Variants in GPR21 observed in about 807,000 individuals in gnomAD.
The protein encoded by GPR21 is G protein-coupled receptor 21, also known as probable G protein-coupled receptor 21.
GPR21 carries 9 observed loss-of-function variants against 21.5 expected under a neutral mutation model. The observed-to-expected ratio is 0.42, with a 90% CI of 0.25 to 0.73. The LOEUF (loss-of-function observed/expected upper bound fraction) is 0.73, where lower values mean the gene tolerates loss of function less well. Ranked by LOEUF, GPR21 falls within the 30% of genes least tolerant of loss-of-function variation. GPR21 has a pLI of 0.27. For synonymous variants in GPR21, 169 were observed against 159.3 expected, an observed-to-expected ratio of 1.06 and a Z score of -0.46; for missense variants, 416 against 428.9, an observed-to-expected ratio of 0.97 and a Z score of 0.27.
In GPR21 at chr9:123,035,444, C is replaced by T. The variant is rs1588307992; in HGVS notation, c.878C>T (p.Ala293Val). 6.2e-7 allele frequency: 1 copy of T among 1,614,164 alleles called. No individual in the cohort carries two copies. The highest frequency in any genetic ancestry group is 8.5e-7 in the Non-Finnish European group (1 of 1,180,022). Residue 293 changes from alanine to valine, a missense_variant, in exon 2 of 2, where the codon GCT (alanine) becomes GTT (valine). Coordinates refer to ENST00000616002, the MANE Select transcript of GPR21 (RefSeq NM_005294.3). ...GCATCCTTCTTGACCACCTGGCTTG[C>T]TATTAGTAACAGTTTCTGCAACTGT... ...RFASFLTTWLAISNSFCNCVI... is the reference protein window; with the variant it reads ...RFASFLTTWLVISNSFCNCVI...
downstream of GPR21, among the ~76,000 whole-genome samples, chr9:123,038,828 G>A (rs1028431877): frequency 6.6e-6 from 1 of 151,736 alleles, no homozygotes; most frequent in Non-Finnish European, 1.5e-5. Context: ...CGAGTCATTT[G>A]GCCTTTCTTC....
At chr9:123,044,381 T>C in the GPR21 span, among the ~76,000 whole-genome samples, 5 of 152,210 alleles carry the variant, frequency 3.3e-5, no homozygotes, top group Non-Finnish European at 5.9e-5. Flanking sequence ...CTATTAATTG[T>C]CTCATTTAAT....
At chr9:123,045,523 G>A in the GPR21 span, among the ~76,000 whole-genome samples, 5 of 152,130 alleles carry the variant, frequency 3.3e-5, no homozygotes, top group Non-Finnish European at 7.4e-5. Flanking sequence ...GTAGCCTATA[G>A]AACACTGGAA....
At chr9:123,045,111 T>C in the GPR21 span, among the ~76,000 whole-genome samples, 2 of 152,224 alleles carry the variant, frequency 1.3e-5, no homozygotes, top group Non-Finnish European at 2.9e-5. Context: ...AATATAAAAG[T>C]AATCATATTT....
rs1326016280 is a variant in GPR21, at chr9:123,034,894, T to A, written c.328T>A (p.Ser110Thr). The A allele has an allele frequency of 4.3e-6, 7 of 1,613,604 alleles. No homozygotes were observed. The highest frequency in any genetic ancestry group is 1.7e-5 in the Admixed American group (1 of 59,990). ...LTCQIFGFVVSVLKSVSMASL... is the reference protein window; with the variant it reads ...LTCQIFGFVVTVLKSVSMASL... ...TTGCCAGATATTTGGTTTTGTAGTA[T>A]CAGTTCTGAAGAGCGTCTCCATGGC... The change falls in exon 2 of 2, where the codon TCA becomes ACA. Residue 110 changes from serine to threonine, a missense_variant. Ser to Thr is a moderately conservative substitution (Grantham distance 58). Coordinates refer to ENST00000616002, the MANE Select transcript of GPR21 (RefSeq NM_005294.3).
chr9:123,041,402 A>G, the GPR21 span, among the ~76,000 whole-genome samples: 2 of 152,200 alleles, frequency 1.3e-5, no homozygotes, highest in East Asian at 1.9e-4. Context: ...GTGAGGAAAC[A>G]TAGGCTTAGA....
chr9:123,034,893 A>G lies in GPR21; in HGVS notation c.327A>G (p.Val109=), dbSNP rs1207405449. 1.4e-5 allele frequency: 22 copies of G among 1,613,704 alleles called. No homozygotes were observed. The highest frequency in any genetic ancestry group is 1.9e-5 in the Non-Finnish European group (22 of 1,179,626). ...SLTCQIFGFV[V]SVLKSVSMAS... ...CTTGCCAGATATTTGGTTTTGTAGT[A>G]TCAGTTCTGAAGAGCGTCTCCATGG... The change falls in exon 2 of 2, where the codon GTA becomes GTG. Residue 109 remains valine, a synonymous_variant. Coordinates refer to ENST00000616002, the MANE Select transcript of GPR21 (RefSeq NM_005294.3).
At position 123,035,260 on chromosome 9, in the gene GPR21, T is replaced by C. The variant is rs763093754; in HGVS notation, c.694T>C (p.Phe232Leu). Residue 232 changes from phenylalanine to leucine, a missense_variant, in exon 2 of 2, where the codon TTC becomes CTC. Phe to Leu is a conservative substitution (Grantham distance 22). Transcript: ENST00000616002. ...TKDISERQAR[F>L]SSQSGETGEV... ...GGATATCAGCGAAAGGCAAGCCCGC[T>C]TCAGCAGCCAGAGTGGGGAGACTGG... 6.2e-7 allele frequency: 1 copy of C among 1,614,164 alleles called. No individual in the cohort carries two copies. Among genetic ancestry groups the C allele is most frequent in the Non-Finnish European group, 8.5e-7 (1 of 1,180,024 alleles).
At chr9:123,045,357 G>A in the GPR21 span, among the ~76,000 whole-genome samples, 2 of 152,120 alleles carry the variant, frequency 1.3e-5, no homozygotes, top group African/African-American at 2.4e-5. Context: ...TGTCTTTATT[G>A]CCTCTGGGGA....
downstream of GPR21, among the ~76,000 whole-genome samples, chr9:123,037,506 T>G (rs1352815509): frequency 1.3e-5 from 2 of 152,232 alleles, no homozygotes; most frequent in East Asian, 3.8e-4. Context: ...AAACCTTTTC[T>G]GTTAGATTCT....
At chr9:123,045,266 G>A in the GPR21 span, among the ~76,000 whole-genome samples, 647 of 152,220 alleles carry the variant, frequency 4.3e-3, 7 homozygotes, top group East Asian at 0.034. Flanking sequence ...CCAGAAAAAC[G>A]GAGGAAACCT....
chr9:123,034,733 C>A lies in GPR21; in HGVS notation c.167C>A (p.Ala56Glu). The A allele has an allele frequency of 6.2e-7, 1 of 1,613,676 alleles. No homozygotes were observed. Among genetic ancestry groups the A allele is most frequent in the Non-Finnish European group, 8.5e-7 (1 of 1,179,580 alleles). The change falls in exon 2 of 2, where the codon GCA becomes GAA. Residue 56 changes from alanine to glutamate, a missense_variant. Physicochemically the swap from Ala to Glu is moderately radical, Grantham distance 107. Transcript: ENST00000616002. ...NIIVIFVFHCAPLLNHHTTSY... is the reference protein window; with the variant it reads ...NIIVIFVFHCEPLLNHHTTSY... ...ATTGTGATTTTTGTATTTCACTGTG[C>A]ACCTTTGTTGAACCATCACACTACA...
downstream of GPR21, chr9:123,035,768 A>G: frequency 3.7e-6 from 2 of 545,536 alleles, no homozygotes; most frequent in Non-Finnish European, 3.2e-6. Flanking sequence ...AATTATTCGT[A>G]TGGATACCTT....
chr9:123,043,900 C>CT, the GPR21 span, among the ~76,000 whole-genome samples: 10,041 of 129,392 alleles, frequency 0.078, 558 homozygotes, highest in African/African-American at 0.1. Flanking sequence ...GTATTATTTT[C>CT]TTTTTTTTTT....
the GPR21 span, among the ~76,000 whole-genome samples, chr9:123,048,419 A>G: frequency 6.6e-6 from 1 of 152,240 alleles, no homozygotes. Flanking sequence ...AACTTGAGCA[A>G]TATGAGACTT....
the GPR21 span, among the ~76,000 whole-genome samples, chr9:123,048,881 TTA>T: frequency 1.3e-5 from 2 of 152,214 alleles, no homozygotes; most frequent in African/African-American, 4.8e-5. Context: ...CAGTTAGCAT[TTA>T]TGTCTTATTT....
Position 123,035,260 on chromosome 9 carries a change from T to G in GPR21, c.694T>G (p.Phe232Val). The change falls in exon 2 of 2, where the codon TTC (phenylalanine) becomes GTC (valine). Residue 232 changes from phenylalanine (F) to valine (V), a missense_variant. Phe to Val is a conservative substitution (Grantham distance 50, BLOSUM62 -1). Coordinates refer to ENST00000616002, the MANE Select transcript of GPR21 (RefSeq NM_005294.3). ...GGATATCAGCGAAAGGCAAGCCCGC[T>G]TCAGCAGCCAGAGTGGGGAGACTGG... ...TKDISERQARFSSQSGETGEV... is the reference protein window; with the variant it reads ...TKDISERQARVSSQSGETGEV... The G allele has an allele frequency of 6.2e-7, 1 of 1,614,164 alleles. No individual in the cohort carries two copies. The highest frequency in any genetic ancestry group is 8.5e-7 in the Non-Finnish European group (1 of 1,180,024).
the GPR21 span, among the ~76,000 whole-genome samples, chr9:123,044,786 T>G: frequency 6.6e-6 from 1 of 152,130 alleles, no homozygotes; most frequent in Non-Finnish European, 1.5e-5. Flanking sequence ...ATAGATTTCC[T>G]TAGAAGGCAG....
At chr9:123,044,895 T>C in the GPR21 span, among the ~76,000 whole-genome samples, 1 of 152,022 alleles carries the variant, frequency 6.6e-6, no homozygotes, top group East Asian at 1.9e-4. Context: ...TCGTAAAGTA[T>C]CCAGCTGGAC....
Sources: gnomAD v4.1 joint callset for allele counts (sites outside exome capture counted in the v4.1 genomes callset) on GRCh38, gnomAD v4.1.1 for gene constraint, MANE v1.5 for transcripts, NCBI Gene and HGNC (gene_info 2026-07-23, HGNC 2026-07-21) for gene names.